IGFL2: variants seen among roughly 807,000 people sequenced by gnomAD.
IGFL2 encodes insulin growth factor-like family member 2.
A neutral mutation model predicts 13.9 loss-of-function variants in IGFL2; 7 were observed. The ratio of observed to expected loss-of-function variants is 0.51; its 90% confidence interval spans 0.29 to 0.95. The LOEUF (loss-of-function observed/expected upper bound fraction) is 0.95. Among genes scored for constraint, IGFL2 ranks in the 40% least tolerant of loss-of-function variants. The pLI, the probability that IGFL2 is intolerant of heterozygous loss-of-function variation, is 0.08. For synonymous variants in IGFL2, 55 were observed against 55.8 expected (o/e 0.99, Z 0.07); for missense variants, 138 against 147.8 (o/e 0.93, Z 0.34).
chr19:46,148,253 T>C lies in IGFL2; in HGVS notation c.-26T>C. 1 of 1,550,908 alleles carries C rather than the reference T, an allele frequency of 6.4e-7. No individual in the cohort carries two copies. Among genetic ancestry groups the C allele is most frequent in the South Asian group, 1.2e-5 (1 of 84,044 alleles). On this transcript the variant is annotated 5_prime_UTR_variant, in exon 1 of 4. Transcript: ENST00000377693. ...GTCACTGACCCATTTGCACTGCTGC[T>C]GTCCCATCAGCTGCTCTGAAGCTCC...
At chr19:46,098,349 G>T in the IGFL2 span, among the ~76,000 whole-genome samples, 1 of 152,004 alleles carries the variant, frequency 6.6e-6, no homozygotes, top group East Asian at 1.9e-4. Context: ...CTTTTCATTT[G>T]CTTGGTAAAT....
At chr19:46,115,250 CCCAGAATT>C in the IGFL2 span, among the ~76,000 whole-genome samples, 1 of 152,178 alleles carries the variant, frequency 6.6e-6, no homozygotes, top group East Asian at 1.9e-4. Context: ...TCAATCCTCA[CCCAGAATT>C]CCTGAGCTCT....
chr19:46,102,901 C>A, the IGFL2 span, among the ~76,000 whole-genome samples: 2 of 151,990 alleles, frequency 1.3e-5, no homozygotes, highest in Admixed American at 6.6e-5. Context: ...AGCATGGGAA[C>A]CTGGAGTGGG....
At chr19:46,149,173 C>CT in intron 1 of IGFL2, 2 of 650,064 alleles carry the variant, frequency 3.1e-6, no homozygotes, top group South Asian at 3.4e-5. Context: ...CTCTCTCTCT[C>CT]TCTTCTCTCT....
At chr19:46,083,158 A>G in the IGFL2 span, among the ~76,000 whole-genome samples, 1 of 152,244 alleles carries the variant, frequency 6.6e-6, no homozygotes, top group Non-Finnish European at 1.5e-5. Context: ...TGCATCATAA[A>G]CAATTTGCTT....
At chr19:46,147,358 G>A (rs1253441697), upstream of IGFL2, among the ~76,000 whole-genome samples, 1 of 151,618 alleles carries the variant, frequency 6.6e-6, no homozygotes, top group Non-Finnish European at 1.5e-5. Context: ...TGCTTGTCGG[G>A]GTCCCCTTAG....
downstream of IGFL2, among the ~76,000 whole-genome samples, chr19:46,165,339 C>T (rs147161321): frequency 7.0e-4 from 106 of 152,318 alleles, 1 homozygote; most frequent in African/African-American, 2.3e-3. Context: ...AACAATGCTA[C>T]ACTACATATC....
the IGFL2 span, among the ~76,000 whole-genome samples, chr19:46,201,600 G>A: frequency 2.0e-5 from 3 of 152,182 alleles, no homozygotes; most frequent in African/African-American, 7.2e-5. Flanking sequence ...ATGGCACATG[G>A]CCCGCTATTA....
chr19:46,142,495 C>T (rs991569002), upstream of IGFL2, among the ~76,000 whole-genome samples: 14 of 152,058 alleles, frequency 9.2e-5, no homozygotes, highest in Non-Finnish European at 1.3e-4. Flanking sequence ...AAATACGTTG[C>T]GTAATATCTG....
chr19:46,173,072 C>T, the IGFL2 span, among the ~76,000 whole-genome samples: 1 of 152,156 alleles, frequency 6.6e-6, no homozygotes, highest in African/African-American at 2.4e-5. Context: ...GATTAAAGGT[C>T]TTTGGGTTGT....
the IGFL2 span, among the ~76,000 whole-genome samples, chr19:46,178,977 GT>G: frequency 6.6e-6 from 1 of 152,162 alleles, no homozygotes; most frequent in Admixed American, 6.5e-5. Flanking sequence ...ACAGAGTTTG[GT>G]TTTTTCATCA....
chr19:46,119,127 G>T, the IGFL2 span, among the ~76,000 whole-genome samples: 2 of 152,110 alleles, frequency 1.3e-5, no homozygotes, highest in Non-Finnish European at 2.9e-5. Context: ...AGTTTGAGGT[G>T]ATGAGTTCCA....
At chr19:46,203,490 TG>T in the IGFL2 span, 1 of 152,320 alleles carries the variant, frequency 6.6e-6, no homozygotes, top group Non-Finnish European at 1.5e-5. Context: ...TTGCTGCTGC[TG>T]TAGAGCATTT....
At chr19:46,170,970 C>A in the IGFL2 span, among the ~76,000 whole-genome samples, 8 of 152,010 alleles carry the variant, frequency 5.3e-5, no homozygotes, top group African/African-American at 1.9e-4. Flanking sequence ...CTTTTGTCGC[C>A]CTTGAAGCAT....
chr19:46,165,087 A>C (rs150916945), downstream of IGFL2, among the ~76,000 whole-genome samples: 756 of 152,330 alleles, frequency 5.0e-3, 4 homozygotes, highest in African/African-American at 0.017. Flanking sequence ...TAGTCAAGAA[A>C]GGGGCCCACT....
chr19:46,106,357 A>G, the IGFL2 span, among the ~76,000 whole-genome samples: 1 of 152,146 alleles, frequency 6.6e-6, no homozygotes, highest in Non-Finnish European at 1.5e-5. Flanking sequence ...AAGCAGATGG[A>G]CAGAAAGAAA....
chr19:46,208,323 A>G, the IGFL2 span: 1 of 152,212 alleles, frequency 6.6e-6, no homozygotes, highest in African/African-American at 2.4e-5. Flanking sequence ...TGCCTGCCCC[A>G]CTTGCACCAC....
chr19:46,097,670 C>G, the IGFL2 span, among the ~76,000 whole-genome samples: 2 of 152,214 alleles, frequency 1.3e-5, no homozygotes, highest in Non-Finnish European at 2.9e-5. Flanking sequence ...CCTCTTAATA[C>G]TGCTTTAGCT....
chr19:46,132,545 A>G, the IGFL2 span, among the ~76,000 whole-genome samples: 1 of 151,838 alleles, frequency 6.6e-6, no homozygotes, highest in African/African-American at 2.4e-5. Flanking sequence ...CCCTCCTCAC[A>G]TGGTGTGGCA....
Sources: allele counts gnomAD v4.1 joint callset (sites outside exome capture counted in the v4.1 genomes callset), GRCh38; gene constraint gnomAD v4.1.1; transcripts MANE v1.5; gene names NCBI Gene and HGNC (gene_info 2026-07-23, HGNC 2026-07-21).